PLXDC2: variants seen among roughly 807,000 people sequenced by gnomAD.
The protein encoded by PLXDC2 is plexin domain containing 2, also known as plexin domain-containing protein 2.
A neutral mutation model predicts 68.9 loss-of-function variants in PLXDC2; 40 were observed. The ratio of observed to expected loss-of-function variants is 0.58; its 90% CI spans 0.45 to 0.76. The LOEUF (loss-of-function observed/expected upper bound fraction) is 0.76, where lower values mean the gene tolerates loss of function less well. Among genes scored for constraint, PLXDC2 ranks in the 30% least tolerant of loss-of-function variants. PLXDC2 has a pLI of 0.00. For synonymous variants in PLXDC2, 243 were observed against 234.2 expected (o/e 1.04, Z -0.34); for missense variants, 644 against 661.9 (o/e 0.97, Z 0.30).
chr10:20,127,403 T>A (rs1833807870), intron 4 of PLXDC2, among the ~76,000 whole-genome samples: 1 of 152,204 alleles, frequency 6.6e-6, no homozygotes, highest in African/African-American at 2.4e-5. Context: ...TGTAATTATT[T>A]CAAAATTGTA....
At chr10:20,278,630 A>T (rs1836040052) in intron 13 of PLXDC2, among the ~76,000 whole-genome samples, 1 of 133,642 alleles carries the variant, frequency 7.5e-6, no homozygotes, top group Non-Finnish European at 1.7e-5. Flanking sequence ...ATTTTTTTTT[A>T]CACAATATAG....
At chr10:19,890,274 G>A (rs1837929263) in intron 1 of PLXDC2, among the ~76,000 whole-genome samples, 1 of 151,910 alleles carries the variant, frequency 6.6e-6, no homozygotes, top group Non-Finnish European at 1.5e-5. Flanking sequence ...GATTCAGTGG[G>A]TATATGTGCA....
chr10:20,174,519 C>G (rs538421918), intron 7 of PLXDC2, among the ~76,000 whole-genome samples: 10 of 152,154 alleles, frequency 6.6e-5, no homozygotes, highest in African/African-American at 2.4e-4. Context: ...CAGAGCCACT[C>G]CTAGCCCCAA....
intron 4 of PLXDC2, among the ~76,000 whole-genome samples, chr10:20,100,633 G>C (rs946305705): frequency 1.3e-5 from 2 of 152,162 alleles, no homozygotes; most frequent in African/African-American, 4.8e-5. Flanking sequence ...AGGTGAAATT[G>C]CCTTGGCCTG....
chr10:19,982,252 C>G (rs906261657), intron 1 of PLXDC2, among the ~76,000 whole-genome samples: 4 of 152,208 alleles, frequency 2.6e-5, no homozygotes, highest in African/African-American at 4.8e-5. Context: ...GACAACATGT[C>G]ACATGACTAA....
At chr10:20,085,139 G>T (rs997528803) in intron 4 of PLXDC2, among the ~76,000 whole-genome samples, 1 of 150,170 alleles carries the variant, frequency 6.7e-6, no homozygotes. Context: ...GCTTGGCACC[G>T]TTAGTACCAA....
intron 9 of PLXDC2, among the ~76,000 whole-genome samples, chr10:20,202,941 A>G (rs1834940640): frequency 6.6e-6 from 1 of 152,018 alleles, no homozygotes; most frequent in African/African-American, 2.4e-5. Flanking sequence ...CTTTTTATAT[A>G]TTTGTCATCC....
intron 13 of PLXDC2, among the ~76,000 whole-genome samples, chr10:20,258,933 G>A (rs983459832): frequency 4.6e-5 from 7 of 151,660 alleles, no homozygotes; most frequent in Admixed American, 6.6e-5. Context: ...GCATGAACCC[G>A]GGAGGTGGAG....
At chr10:20,051,289 GCTTAATAT>G (rs1835894427) in intron 3 of PLXDC2, among the ~76,000 whole-genome samples, 1 of 151,308 alleles carries the variant, frequency 6.6e-6, no homozygotes, top group African/African-American at 2.4e-5. Context: ...TGGTTGCTAG[GCTTAATAT>G]TTGGGTGATG....
chr10:19,987,783 CTCGA>C (rs1250705808), intron 1 of PLXDC2, among the ~76,000 whole-genome samples: 83 of 151,638 alleles, frequency 5.5e-4, no homozygotes, highest in Middle Eastern at 3.2e-3. Context: ...CCAGGATGGT[CTCGA>C]TCGATCTCCC....
intron 4 of PLXDC2, among the ~76,000 whole-genome samples, chr10:20,095,402 C>T (rs1325914257): frequency 6.6e-6 from 1 of 151,966 alleles, no homozygotes; most frequent in African/African-American, 2.4e-5. Flanking sequence ...AGGCAAAGAA[C>T]AACTAACTTA....
intron 1 of PLXDC2, among the ~76,000 whole-genome samples, chr10:19,831,505 G>C (rs1269866110): frequency 6.6e-6 from 1 of 151,990 alleles, no homozygotes; most frequent in Non-Finnish European, 1.5e-5. Flanking sequence ...TGCCACAGGG[G>C]TTTGCTGTAC....
At chr10:19,818,970 G>A (rs1836410503) in intron 1 of PLXDC2, among the ~76,000 whole-genome samples, 1 of 151,492 alleles carries the variant, frequency 6.6e-6, no homozygotes. Context: ...ATAAATGCCA[G>A]CAAATGTTTA....
chr10:20,199,997 G>A (rs1420962000), intron 9 of PLXDC2, among the ~76,000 whole-genome samples: 3 of 151,868 alleles, frequency 2.0e-5, no homozygotes, highest in African/African-American at 4.8e-5. Flanking sequence ...AAATAATGGG[G>A]TAGCTAGGAG....
intron 4 of PLXDC2, among the ~76,000 whole-genome samples, chr10:20,137,395 T>C (rs1184232967): frequency 1.3e-5 from 2 of 152,346 alleles, no homozygotes; most frequent in South Asian, 4.1e-4. Flanking sequence ...TAGGAAGTCA[T>C]TTTATTCTAC....
rs186136102 is a variant in PLXDC2, at chr10:20,254,006, C to T, written c.1473+8501C>T. ...TGGAGTCAAGTCCAAGGTAGAAATA[C>T]TCAGGATGGTGAAACAATTTGTTTG... is the stretch of plus-strand genomic sequence containing the variant. On this transcript the variant is annotated intron_variant, in intron 13 of 13. Coordinates refer to ENST00000377252, the MANE Select transcript of PLXDC2 (RefSeq NM_032812.9). Among the ~76,000 whole-genome samples, 303 of 152,258 alleles carry T rather than the reference C, an allele frequency of 2.0e-3. 4 individuals carry two copies. Among genetic ancestry groups the T allele is most frequent in the African/African-American group, 6.9e-3 (285 of 41,548 alleles).
intron 1 of PLXDC2, among the ~76,000 whole-genome samples, chr10:19,952,193 A>G (rs1456006295): frequency 6.6e-6 from 1 of 152,202 alleles, no homozygotes; most frequent in Non-Finnish European, 1.5e-5. Flanking sequence ...ATGTAAAAAG[A>G]AAAACAAAGT....
intron 2 of PLXDC2, among the ~76,000 whole-genome samples, chr10:20,024,554 G>C (rs2131661645): frequency 6.6e-6 from 1 of 152,172 alleles, no homozygotes; most frequent in East Asian, 1.9e-4. Flanking sequence ...GAAAATCCAA[G>C]GATAACTTTT....
At chr10:20,099,686 A>G (rs1179375892) in intron 4 of PLXDC2, among the ~76,000 whole-genome samples, 1 of 152,156 alleles carries the variant, frequency 6.6e-6, no homozygotes, top group Non-Finnish European at 1.5e-5. Flanking sequence ...TTTTCACAGA[A>G]CTTTTCTCAC....
Sources: gnomAD v4.1 joint callset for allele counts (sites outside exome capture counted in the v4.1 genomes callset) on GRCh38, gnomAD v4.1.1 for gene constraint, MANE v1.5 for transcripts, NCBI Gene and HGNC (gene_info 2026-07-23, HGNC 2026-07-21) for gene names.